The following MED9 variants were observed in gnomAD, a reference collection of about 807,000 sequenced individuals.
The protein encoded by MED9 is mediator of RNA polymerase II transcription subunit 9.
A neutral mutation model predicts 13.2 loss-of-function variants in MED9; 8 were observed. The observed-to-expected ratio is 0.61, with a 90% CI of 0.36 to 1.10. MED9 has a LOEUF of 1.10. Among genes scored for constraint, MED9 ranks in the 50% least tolerant of loss-of-function variants. The pLI, the probability that MED9 is intolerant of heterozygous loss-of-function variation, is 0.02. For synonymous variants in MED9, 87 were observed against 82.8 expected (o/e 1.05, Z -0.28); for missense variants, 180 against 193.4 (o/e 0.93, Z 0.41).
In MED9 at chr17:17,489,648, G is replaced by A. The variant is rs80234387; in HGVS notation, c.225-1631G>A. 4.6e-3 allele frequency among the ~76,000 whole-genome samples: 701 copies of A among 152,322 alleles called. 3 individuals are homozygous for A. Among genetic ancestry groups the A allele is most frequent in the African/African-American group, 0.015 (630 of 41,566 alleles). ...ACTTCAAAGAATTAAAATAAAAGAC[G>A]TTCCCTATTTGCTTCCTTCCAAAGG... On this transcript the variant is annotated intron_variant, in intron 1 of 1. Transcript: ENST00000268711.
rs980515876 is a variant in MED9, at chr17:17,491,718, A to G, written c.*223A>G. On this transcript the variant is annotated 3_prime_UTR_variant, in exon 2 of 2. Transcript: ENST00000268711. ...CGTGTAGATCCATATGTCTAGATGC[A>G]TAATAACTGGAGTGCCTGCTGGTGG... The G allele has an allele frequency of 2.8e-5, 15 of 538,992 alleles. No homozygotes were observed. In the Admixed American group the frequency reaches 3.2e-4, roughly 11 times the overall value. The allele number at this position is 538,992 out of a possible 1,614,324, so 33.4% of individuals were successfully genotyped here.
chr17:17,482,033 C>T (rs1346738591), intron 1 of MED9, among the ~76,000 whole-genome samples: 4 of 152,160 alleles, frequency 2.6e-5, no homozygotes, highest in Non-Finnish European at 4.4e-5. Context: ...GAAATGGAAA[C>T]AGGGCCTCTC....
rs1022007832 is a variant in MED9, at chr17:17,477,260, C to G, written c.219C>G (p.Ile73Met). 1 of 1,593,904 alleles carries G rather than the reference C, an allele frequency of 6.3e-7. No individual in the cohort carries two copies. Among genetic ancestry groups the G allele is most frequent in the Non-Finnish European group, 8.6e-7 (1 of 1,168,444 alleles). The change falls in exon 1 of 2, where the codon ATC (isoleucine) becomes ATG (methionine). Residue 73 changes from isoleucine (I) to methionine (M), a missense_variant. Ile to Met is a conservative substitution (Grantham distance 10, BLOSUM62 1). Transcript: ENST00000268711. ...YSFLPLVHNI[I>M]KCMDKDSPEV... ...TTTTACCTTTGGTTCACAACATCATCAAATGGTAAGAACCTAGGAGAGGAC... is the reference window on the plus strand; with the variant it reads ...TTTTACCTTTGGTTCACAACATCATGAAATGGTAAGAACCTAGGAGAGGAC...
chr17:17,485,217 A>T, intron 1 of MED9: 1 of 391,938 alleles, frequency 2.6e-6, no homozygotes, highest in Non-Finnish European at 4.5e-6. Context: ...TTTAGTAGAG[A>T]CAGGGTTTCG....
At chr17:17,489,063 A>G (rs1905187213) in intron 1 of MED9, among the ~76,000 whole-genome samples, 1 of 151,980 alleles carries the variant, frequency 6.6e-6, no homozygotes, top group South Asian at 2.1e-4. Context: ...TGAATATTTC[A>G]CAGTCATCCT....
In MED9 at chr17:17,491,538, T is replaced by G; in HGVS notation, c.*43T>G. On this transcript the variant is annotated 3_prime_UTR_variant, in exon 2 of 2. Transcript: ENST00000268711. ...TAGAAAGAGGGGGAAGCCAATGGCCTGTCTCCCCACTACCATCCCCAAACG... is the reference window on the plus strand; with the variant it reads ...TAGAAAGAGGGGGAAGCCAATGGCCGGTCTCCCCACTACCATCCCCAAACG... 1.3e-6 allele frequency: 2 copies of G among 1,528,456 alleles called. No individual in the cohort carries two copies. Among genetic ancestry groups the G allele is most frequent in the Non-Finnish European group, 1.8e-6 (2 of 1,105,362 alleles). The allele number at this position is 1,528,456 out of a possible 1,614,324, so 94.7% of individuals were successfully genotyped here.
intron 1 of MED9, chr17:17,477,506 T>G (rs1208847045): frequency 3.9e-6 from 2 of 508,596 alleles, no homozygotes; most frequent in Non-Finnish European, 3.4e-6. Flanking sequence ...AGAGACTAAA[T>G]GCAGACTCTT....
rs144942520 is a variant in MED9, at chr17:17,483,452, C to T, written c.224+6187C>T. Among the ~76,000 whole-genome samples the T allele has an allele frequency of 1.5e-4, 23 of 152,294 alleles. No homozygotes were observed. The highest frequency in any genetic ancestry group is 6.8e-3 in the Middle Eastern group (2 of 294). On this transcript the variant is annotated intron_variant, in intron 1 of 1. Transcript: ENST00000268711. This position sits in a 1 kb window ranked among gnomAD's most constrained non-coding sequence, Gnocchi z 4.2. The stretch of plus-strand genomic sequence containing the variant: ...CCTCCAGCCCCTCCACTAGAAGTGC[C>T]CACAGAAATGCTGCACAGAGCCCTG...
Position 17,477,080 on chromosome 17 carries a change from G to A in MED9, c.39G>A (p.Glu13=). 6.2e-7 allele frequency: 1 copy of A among 1,607,328 alleles called. No homozygotes were observed. The highest frequency in any genetic ancestry group is 1.1e-5 in the South Asian group (1 of 90,926). ...SAGVAAGRQA[E]DVLPPTSDQP... ...GGGTGGCAGCCGGGCGACAGGCGGA[G>A]GATGTATTGCCGCCAACGTCCGACC... Residue 13 remains glutamate, a synonymous_variant, in exon 1 of 2, where the codon GAG becomes GAA. Coordinates refer to ENST00000268711, the MANE Select transcript of MED9 (RefSeq NM_018019.3).
At position 17,489,604 on chromosome 17, in the gene MED9, T is replaced by G. The variant is rs539347783; in HGVS notation, c.225-1675T>G. On this transcript the variant is annotated intron_variant, in intron 1 of 1. Coordinates refer to ENST00000268711, the MANE Select transcript of MED9 (RefSeq NM_018019.3). ...GAAGTGCAGATGGTTTCTGTCCACA[T>G]TTGTGGATCAGAGCTGAGACTTCAA... 2.6e-5 allele frequency among the ~76,000 whole-genome samples: 4 copies of G among 152,328 alleles called. No individual in the cohort carries two copies. In the South Asian group the frequency reaches 8.3e-4, roughly 32 times the overall value.
chr17:17,491,664 C>G lies in MED9; in HGVS notation c.*169C>G, dbSNP rs1003131219. Reference sequence around the variant, plus strand: ...CGCGCTTCGCCTGTGCGGGAGCCAGCGCAGAGCTTGGCTGCGCCGGGGGTT... The same window carrying G: ...CGCGCTTCGCCTGTGCGGGAGCCAGGGCAGAGCTTGGCTGCGCCGGGGGTT... On this transcript the variant is annotated 3_prime_UTR_variant, in exon 2 of 2. Transcript: ENST00000268711. 8 of 657,040 alleles carry G rather than the reference C, an allele frequency of 1.2e-5. No individual in the cohort carries two copies. The highest frequency in any genetic ancestry group is 1.1e-4 in the Admixed American group (4 of 35,438). 40.7% of individuals were successfully genotyped at this position (657,040 alleles called of 1,614,324 possible). A position where few individuals can be genotyped will look rare whatever the true frequency, so the allele number is the denominator to read the frequency against.
At chr17:17,482,101 C>G (rs551898310) in intron 1 of MED9, among the ~76,000 whole-genome samples, 7 of 152,316 alleles carry the variant, frequency 4.6e-5, no homozygotes, top group Non-Finnish European at 7.3e-5. Flanking sequence ...TATGAACGTG[C>G]TGTCGTTTAT....
chr17:17,484,655 A>T (rs1335366871), intron 1 of MED9, among the ~76,000 whole-genome samples: 1 of 152,198 alleles, frequency 6.6e-6, no homozygotes, highest in African/African-American at 2.4e-5. Context: ...GAGCAGGATG[A>T]GCAGCCACAG....
chr17:17,491,638 G>C lies in MED9; in HGVS notation c.*143G>C. The C allele has an allele frequency of 2.5e-6, 2 of 811,996 alleles. No individual in the cohort carries two copies. The allele number at this position is 811,996 out of a possible 1,614,324, so 50.3% of individuals were successfully genotyped here. A position where few individuals can be genotyped will look rare whatever the true frequency, so the allele number is the denominator to read the frequency against. ...AGGGGCGGGGCTCCTGTGCTGCTGC[G>C]CGCGCTTCGCCTGTGCGGGAGCCAG... On this transcript the variant is annotated 3_prime_UTR_variant, in exon 2 of 2. Coordinates refer to ENST00000268711, the MANE Select transcript of MED9 (RefSeq NM_018019.3).
intron 1 of MED9, among the ~76,000 whole-genome samples, chr17:17,484,343 G>A (rs1023393909): frequency 2.6e-5 from 4 of 152,250 alleles, no homozygotes; most frequent in African/African-American, 9.6e-5. Context: ...CACAGATGGG[G>A]CTCAAGTGAT....
intron 1 of MED9, 28 bp downstream of exon 1, chr17:17,477,293 C>T (rs771546363): frequency 3.2e-6 from 5 of 1,542,784 alleles, no homozygotes; most frequent in Non-Finnish European, 4.4e-6. Context: ...GACCAGGCCC[C>T]ATACTCCCTC....
intron 1 of MED9, among the ~76,000 whole-genome samples, chr17:17,479,833 A>G (rs1904999134): frequency 6.6e-6 from 1 of 152,178 alleles, no homozygotes; most frequent in South Asian, 2.1e-4. Flanking sequence ...CAAAAAGAAT[A>G]GGACAGGAGA....
chr17:17,482,052 C>G (rs1905041471), intron 1 of MED9, among the ~76,000 whole-genome samples: 1 of 152,188 alleles, frequency 6.6e-6, no homozygotes. Flanking sequence ...TCCCTTCACT[C>G]CTCCCAGCTC....
chr17:17,477,054 G>A lies in MED9; in HGVS notation c.13G>A (p.Gly5Arg). 1 of 1,606,350 alleles carries A rather than the reference G, an allele frequency of 6.2e-7. No individual in the cohort carries two copies. Among genetic ancestry groups the A allele is most frequent in the Non-Finnish European group, 8.5e-7 (1 of 1,179,676 alleles). Residue 5 changes from glycine (G) to arginine (R), a missense_variant, in exon 1 of 2, where the codon GGG becomes AGG. Physicochemically the swap from Gly to Arg is moderately radical, Grantham distance 125 (BLOSUM62 -2). Coordinates refer to ENST00000268711, the MANE Select transcript of MED9 (RefSeq NM_018019.3). The part of the protein sequence containing the change: MASA[G>R]VAAGRQAEDV... ...TACCCCCGGAGCCATGGCCTCTGCT[G>A]GGGTGGCAGCCGGGCGACAGGCGGA...
Sources: gnomAD v4.1 joint callset for allele counts (sites outside exome capture counted in the v4.1 genomes callset) on GRCh38, gnomAD v4.1.1 for gene constraint, Gnocchi (gnomAD v3.1) non-coding constraint, MANE v1.5 for transcripts, NCBI Gene and HGNC (gene_info 2026-07-23, HGNC 2026-07-21) for gene names.